The following LDLRAD3 variants were observed in gnomAD, a reference collection of about 807,000 sequenced individuals.
LDLRAD3 encodes the protein low-density lipoprotein receptor class A domain-containing protein 3.
A neutral mutation model predicts 29.4 loss-of-function variants in LDLRAD3; 20 were observed. That is an observed-to-expected ratio of 0.68 (90% CI 0.48 to 0.99). The LOEUF (loss-of-function observed/expected upper bound fraction) is 0.99. Among genes scored for constraint, LDLRAD3 ranks in the 50% least tolerant of loss-of-function variants. The pLI, the probability that LDLRAD3 is intolerant of heterozygous loss-of-function variation, is 0.00. For missense variants in LDLRAD3, 420 were observed against 454.3 expected (o/e 0.92, Z 0.69); for synonymous variants, 157 against 192.7 (o/e 0.81, Z 1.53).
At chr11:36,054,653 A>G (rs576176574) in intron 2 of LDLRAD3, among the ~76,000 whole-genome samples, 32 of 152,348 alleles carry the variant, frequency 2.1e-4, no homozygotes, top group African/African-American at 7.5e-4. Context: ...GCTGCTTAAA[A>G]AGAATGAAGA....
intron 1 of LDLRAD3, among the ~76,000 whole-genome samples, chr11:36,003,629 C>G (rs1192150678): frequency 6.6e-6 from 1 of 152,178 alleles, no homozygotes; most frequent in East Asian, 1.9e-4. Context: ...AGGGTAGAAC[C>G]TCTGCCTATG....
chr11:36,062,757 C>T (rs114613624), intron 2 of LDLRAD3, among the ~76,000 whole-genome samples: 1 of 152,316 alleles, frequency 6.6e-6, no homozygotes, highest in African/African-American at 2.4e-5. Context: ...TGAAGAAGCA[C>T]GTGTTTGCTT....
At chr11:36,169,454 AC>A (rs2133346351) in intron 4 of LDLRAD3, among the ~76,000 whole-genome samples, 1 of 152,158 alleles carries the variant, frequency 6.6e-6, no homozygotes, top group East Asian at 1.9e-4. Context: ...CACCCCTGCC[AC>A]CCTTCCCAGC....
chr11:36,149,440 A>G (rs1027130031), intron 4 of LDLRAD3, among the ~76,000 whole-genome samples: 2 of 152,220 alleles, frequency 1.3e-5, no homozygotes, highest in African/African-American at 4.8e-5. Context: ...GCTAGAAAGG[A>G]TAGGACAAAA....
intron 4 of LDLRAD3, among the ~76,000 whole-genome samples, chr11:36,141,037 C>CTCTCTCTCTCTCTCA (rs1389366552): frequency 2.2e-5 from 1 of 45,512 alleles, no homozygotes; most frequent in Non-Finnish European, 5.9e-5. Flanking sequence ...TCTCTCTCTC[C>CTCTCTCTCTCTCTCA]GTGTGGGGGT....
chr11:36,158,676 A>G (rs1171956697), intron 4 of LDLRAD3, among the ~76,000 whole-genome samples: 1 of 152,104 alleles, frequency 6.6e-6, no homozygotes, highest in Non-Finnish European at 1.5e-5. Context: ...ATCATATCCC[A>G]TCAGCTGGAG....
chr11:36,188,942 C>T (rs1854897073), intron 4 of LDLRAD3, among the ~76,000 whole-genome samples: 1 of 151,184 alleles, frequency 6.6e-6, no homozygotes, highest in East Asian at 1.9e-4. Flanking sequence ...GCAACTGAAT[C>T]ATCTAATGGT....
At chr11:36,060,353 CAAAA>C (rs60557347) in intron 2 of LDLRAD3, among the ~76,000 whole-genome samples, 4 of 73,576 alleles carry the variant, frequency 5.4e-5, no homozygotes, top group Admixed American at 1.3e-4. Context: ...GACTCTGTCT[CAAAA>C]AAAAAAAAAA....
intron 1 of LDLRAD3, among the ~76,000 whole-genome samples, chr11:36,018,206 T>C (rs1394134623): frequency 6.6e-6 from 1 of 152,208 alleles, no homozygotes; most frequent in African/African-American, 2.4e-5. Context: ...CATAAACTTT[T>C]TGTAAAGCAT....
At chr11:36,185,976 G>C (rs899221356) in intron 4 of LDLRAD3, among the ~76,000 whole-genome samples, 1 of 152,128 alleles carries the variant, frequency 6.6e-6, no homozygotes, top group African/African-American at 2.4e-5. Flanking sequence ...TTATATATTA[G>C]AGGCCACAGA....
intron 4 of LDLRAD3, among the ~76,000 whole-genome samples, chr11:36,113,972 C>A (rs1256093583): frequency 6.6e-6 from 1 of 152,150 alleles, no homozygotes; most frequent in Non-Finnish European, 1.5e-5. Context: ...CCATTCCCAG[C>A]CAACTTCTGC....
At chr11:36,144,163 G>T (rs1047922297) in intron 4 of LDLRAD3, among the ~76,000 whole-genome samples, 1 of 151,928 alleles carries the variant, frequency 6.6e-6, no homozygotes, top group African/African-American at 2.4e-5. Context: ...GCTCCTAACC[G>T]CGAGTGATCC....
intron 1 of LDLRAD3, among the ~76,000 whole-genome samples, chr11:35,986,831 G>C (rs1851620841): frequency 6.6e-6 from 1 of 152,212 alleles, no homozygotes; most frequent in Non-Finnish European, 1.5e-5. Flanking sequence ...AGATGATGCA[G>C]AGCACACCTT....
At chr11:36,207,794 A>G (rs902484543) in intron 4 of LDLRAD3, among the ~76,000 whole-genome samples, 5 of 152,204 alleles carry the variant, frequency 3.3e-5, no homozygotes, top group African/African-American at 1.2e-4. Context: ...GTTGTCCACC[A>G]CACTGGGGAA....
intron 1 of LDLRAD3, chr11:35,967,530 C>G: frequency 2.7e-6 from 1 of 366,808 alleles, no homozygotes; most frequent in South Asian, 2.2e-5. Flanking sequence ...TCTGCTTTTT[C>G]CACTTTGAGT....
At chr11:36,051,472 C>G (rs1322394210) in intron 2 of LDLRAD3, among the ~76,000 whole-genome samples, 1 of 152,208 alleles carries the variant, frequency 6.6e-6, no homozygotes, top group Admixed American at 6.5e-5. Context: ...AGGAATAGTT[C>G]CCGTGTCACG....
Position 35,981,906 on chromosome 11 carries a change from C to G in LDLRAD3, c.46+37762C>G, listed in dbSNP as rs1289802553. ...CTGCTTTTGGTTCTTCCACTGAAAA[C>G]TAAAGGACGATTCCTTCTTACTTGG... is the stretch of plus-strand genomic sequence containing the variant. On this transcript the variant is annotated intron_variant, in intron 1 of 5. Transcript: ENST00000315571. Among the ~76,000 whole-genome samples, 2 of 152,194 alleles carry G rather than the reference C, an allele frequency of 1.3e-5. 1 individual carries two copies. Among genetic ancestry groups the G allele is most frequent in the East Asian group, 3.8e-4 (2 of 5,202 alleles).
At chr11:36,145,710 A>C (rs1297989462) in intron 4 of LDLRAD3, among the ~76,000 whole-genome samples, 2 of 147,640 alleles carry the variant, frequency 1.4e-5, no homozygotes, top group Non-Finnish European at 2.9e-5. Context: ...CCTTACCCCC[A>C]ACCCTGTGCT....
intron 4 of LDLRAD3, among the ~76,000 whole-genome samples, chr11:36,120,887 C>T (rs763188413): frequency 3.9e-5 from 6 of 152,200 alleles, no homozygotes; most frequent in Admixed American, 6.5e-5. Context: ...CACATTCTGT[C>T]TTTCCATTGT....
Sources: allele counts gnomAD v4.1 joint callset (sites outside exome capture counted in the v4.1 genomes callset), GRCh38; gene constraint gnomAD v4.1.1; transcripts MANE v1.5; gene names NCBI Gene and HGNC (gene_info 2026-07-23, HGNC 2026-07-21).